The following ADAM22 variants were observed in gnomAD, a reference collection of about 807,000 sequenced individuals.
ADAM22 encodes ADAM metallopeptidase domain 22.
A neutral mutation model predicts 144.6 loss-of-function variants in ADAM22; 65 were observed. That is an observed-to-expected ratio of 0.45 (90% CI 0.37 to 0.55). ADAM22 has a LOEUF of 0.55. Among genes scored for constraint, ADAM22 ranks in the 20% least tolerant of loss-of-function variants. The pLI, the probability that ADAM22 is intolerant of heterozygous loss-of-function variation, is 0.00. For missense variants in ADAM22, 974 were observed against 1,184.9 expected, an observed-to-expected ratio of 0.82 and a Z score of 2.61; for synonymous variants, 391 against 412.6, an observed-to-expected ratio of 0.95 and a Z score of 0.63.
At chr7:88,069,540 T>C (rs1021082463) in intron 3 of ADAM22, among the ~76,000 whole-genome samples, 8 of 152,220 alleles carry the variant, frequency 5.3e-5, no homozygotes, top group African/African-American at 1.9e-4. Context: ...TTTATTGCCT[T>C]CTTTAATCAA....
rs1017901623 is a variant in ADAM22 at position 87,949,885 on chromosome 7, C to T, written c.246+14699C>T. On this transcript the variant is annotated intron_variant, in intron 2 of 31. Coordinates refer to ENST00000413139, the MANE Select transcript of ADAM22 (RefSeq NM_001324418.2). ...AGATAATAAAATATGTAAGTTTACA[C>T]GTCTATTATATAAATTATAACATTG... Among the ~76,000 whole-genome samples the T allele has an allele frequency of 2.2e-4, 33 of 149,216 alleles. No individual in the cohort carries two copies. The East Asian group carries it at 4.5e-3, about 20-fold the overall frequency.
chr7:88,025,121 T>G (rs543360488), intron 3 of ADAM22, among the ~76,000 whole-genome samples: 1 of 152,122 alleles, frequency 6.6e-6, no homozygotes, highest in Non-Finnish European at 1.5e-5. Flanking sequence ...CCTGAGGAAT[T>G]GCCACACTGA....
At chr7:88,052,115 G>A (rs931929013) in intron 3 of ADAM22, among the ~76,000 whole-genome samples, 1 of 152,056 alleles carries the variant, frequency 6.6e-6, no homozygotes, top group Non-Finnish European at 1.5e-5. Flanking sequence ...ACCACTTGGG[G>A]TGTCCCTGCT....
intron 8 of ADAM22, 66 bp from the exon 9 acceptor site, chr7:88,128,536 T>G: frequency 7.7e-7 from 1 of 1,301,442 alleles, no homozygotes; most frequent in East Asian, 2.3e-5. Context: ...TCTTCCATAT[T>G]TTTTAGCTTT....
chr7:88,124,526 TA>T (rs879786675), intron 7 of ADAM22, among the ~76,000 whole-genome samples: 325 of 145,844 alleles, frequency 2.2e-3, no homozygotes, highest in African/African-American at 2.2e-3. Flanking sequence ...AGTCTTGCAT[TA>T]AAAAAAAAAA....
At chr7:88,162,676 TC>T (rs535822551) in intron 22 of ADAM22, among the ~76,000 whole-genome samples, 4 of 152,114 alleles carry the variant, frequency 2.6e-5, no homozygotes, top group Non-Finnish European at 5.9e-5. Flanking sequence ...ACATATGCAA[TC>T]TTTTTGGGTC....
At chr7:87,957,632 A>G (rs1257445984) in intron 2 of ADAM22, among the ~76,000 whole-genome samples, 1 of 151,956 alleles carries the variant, frequency 6.6e-6, no homozygotes, top group Non-Finnish European at 1.5e-5. Flanking sequence ...CCAAGCTGGA[A>G]TGCAATGGTG....
intron 3 of ADAM22, among the ~76,000 whole-genome samples, chr7:88,045,457 G>A (rs1179135688): frequency 6.6e-6 from 1 of 151,986 alleles, no homozygotes; most frequent in Non-Finnish European, 1.5e-5. Flanking sequence ...TTTATGGTAT[G>A]CATGATGTTT....
chr7:88,193,318 AC>A (rs1850014354), intron 31 of ADAM22, 79 bp downstream of exon 31: 3 of 1,464,516 alleles, frequency 2.0e-6, no homozygotes, highest in Non-Finnish European at 2.7e-6. Context: ...AAAAGAGAGA[AC>A]CATTTTTCCT....
chr7:87,948,633 G>A (rs1844287487), intron 2 of ADAM22, among the ~76,000 whole-genome samples: 1 of 152,064 alleles, frequency 6.6e-6, no homozygotes, highest in Admixed American at 6.6e-5. Context: ...TACAGGATAG[G>A]GATCCATTGC....
chr7:88,087,032 G>A (rs114254224), intron 4 of ADAM22, among the ~76,000 whole-genome samples: 213 of 152,082 alleles, frequency 1.4e-3, no homozygotes, highest in African/African-American at 4.9e-3. Context: ...TTACAGAAAC[G>A]AGACACAGAG....
intron 4 of ADAM22, among the ~76,000 whole-genome samples, chr7:88,076,059 G>T (rs1310440829): frequency 6.6e-6 from 1 of 152,056 alleles, no homozygotes; most frequent in Admixed American, 6.6e-5. Context: ...TTGTCGCCCA[G>T]CTGGAGTGCA....
chr7:87,943,817 G>A (rs1733302475), intron 2 of ADAM22, among the ~76,000 whole-genome samples: 1 of 152,198 alleles, frequency 6.6e-6, no homozygotes. Flanking sequence ...TCAGAATCAT[G>A]TATCAGCGAG....
chr7:88,196,595 C>T lies in ADAM22; in HGVS notation c.*104C>T, dbSNP rs561592907. On this transcript the variant is annotated 3_prime_UTR_variant, in exon 32 of 32. Coordinates refer to ENST00000413139, the MANE Select transcript of ADAM22 (RefSeq NM_001324418.2). ...AAATCTATCTGCTCTTCAGACAATA[C>T]GAAGACCCTCTGAGATGCTACAGAG... 8 of 1,272,748 alleles carry T rather than the reference C, an allele frequency of 6.3e-6. No homozygotes were observed. In the Admixed American group the frequency reaches 8.5e-5, roughly 14 times the overall value. The allele number at this position is 1,272,748 out of a possible 1,614,324, so 78.8% of individuals were successfully genotyped here. A position where few individuals can be genotyped will look rare whatever the true frequency, so the allele number is the denominator to read the frequency against.
chr7:88,090,939 A>T (rs1397493548), intron 4 of ADAM22, among the ~76,000 whole-genome samples: 2 of 152,176 alleles, frequency 1.3e-5, no homozygotes, highest in Non-Finnish European at 2.9e-5. Flanking sequence ...AGGAATACTC[A>T]TTAATTTTCT....
intron 31 of ADAM22, among the ~76,000 whole-genome samples, chr7:88,195,395 G>T (rs779225514): frequency 6.3e-4 from 96 of 152,186 alleles, no homozygotes; most frequent in Non-Finnish European, 1.5e-4. Context: ...AATATAAAGA[G>T]CTCATGGCAA....
chr7:88,135,921 CTACTT>C (rs1389208601), intron 13 of ADAM22, 54 bp from the exon 14 acceptor site: 24 of 1,427,442 alleles, frequency 1.7e-5, no homozygotes, highest in Middle Eastern at 1.8e-4. Flanking sequence ...AAAACAGAAA[CTACTT>C]TAATGCAACT....
At chr7:87,975,680 T>C (rs1486118027) in intron 2 of ADAM22, among the ~76,000 whole-genome samples, 1 of 152,152 alleles carries the variant, frequency 6.6e-6, no homozygotes, top group East Asian at 1.9e-4. Flanking sequence ...AGACAGTAAA[T>C]ACCTTGCCAA....
intron 25 of ADAM22, among the ~76,000 whole-genome samples, chr7:88,171,231 T>C (rs1844240193): frequency 6.6e-6 from 1 of 151,956 alleles, no homozygotes; most frequent in Admixed American, 6.6e-5. Flanking sequence ...AGACCTGTGT[T>C]TGAAATAAGA....
Sources: allele counts gnomAD v4.1 joint callset (sites outside exome capture counted in the v4.1 genomes callset), GRCh38; gene constraint gnomAD v4.1.1; transcripts MANE v1.5; gene names NCBI Gene and HGNC (gene_info 2026-07-23, HGNC 2026-07-21).